Variants in HPSE2 observed in about 807,000 individuals in gnomAD.
HPSE2 encodes heparanase 2 (inactive), also known as inactive heparanase-2.
A neutral mutation model predicts 60.5 loss-of-function variants in HPSE2; 38 were observed. The observed-to-expected ratio is 0.63, with a 90% CI of 0.48 to 0.82. The LOEUF (loss-of-function observed/expected upper bound fraction) is 0.82, where lower values mean the gene tolerates loss of function less well. Ranked by LOEUF, HPSE2 falls within the 40% of genes least tolerant of loss-of-function variation. The pLI, the probability that HPSE2 is intolerant of heterozygous loss-of-function variation, is 0.00. For synonymous variants in HPSE2, 295 were observed against 293.2 expected (o/e 1.01, Z -0.06); for missense variants, 713 against 740.4 (o/e 0.96, Z 0.43).
At chr10:99,245,839 G>C in the HPSE2 span, among the ~76,000 whole-genome samples, 1 of 152,190 alleles carries the variant, frequency 6.6e-6, no homozygotes, top group Non-Finnish European at 1.5e-5. Flanking sequence ...AAGATGGTCA[G>C]TAAAGCGCTG....
In HPSE2 at chr10:98,937,671, C is replaced by T. The variant is rs949039339; in HGVS notation, c.611-193615G>A. On this transcript the variant is annotated intron_variant, in intron 3 of 11. Coordinates refer to ENST00000370552, the MANE Select transcript of HPSE2 (RefSeq NM_021828.5). ...CCTCTGGGGGCAGGGCACAGACAAA[C>T]AAAAAGACAGCAGTAACCTCTGCAG... is the stretch of plus-strand genomic sequence containing the variant. 4.9e-4 allele frequency among the ~76,000 whole-genome samples: 70 copies of T among 142,730 alleles called. 13 individuals are homozygous for T. The highest frequency in any genetic ancestry group is 1.9e-3 in the African/African-American group (67 of 34,840). The allele number at this position is 142,730 out of a possible 152,430, so 93.6% of individuals were successfully genotyped here.
intron 3 of HPSE2, among the ~76,000 whole-genome samples, chr10:99,007,238 C>T (rs112461629): frequency 4.6e-5 from 7 of 152,200 alleles, no homozygotes; most frequent in African/African-American, 1.4e-4. Context: ...TGAGTCCACA[C>T]ATACCAGCCT....
chr10:98,980,296 T>C (rs1044802521), intron 3 of HPSE2, among the ~76,000 whole-genome samples: 1 of 152,200 alleles, frequency 6.6e-6, no homozygotes, highest in Admixed American at 6.5e-5. Context: ...GTTAATAAAG[T>C]TTATTATTTT....
At chr10:98,780,479 T>C (rs1565158228) in intron 3 of HPSE2, among the ~76,000 whole-genome samples, 1 of 152,146 alleles carries the variant, frequency 6.6e-6, no homozygotes, top group Non-Finnish European at 1.5e-5. Flanking sequence ...TAGAATTGAG[T>C]TTGTTATATC....
At chr10:98,677,706 T>C (rs1320900450) in intron 6 of HPSE2, among the ~76,000 whole-genome samples, 1 of 152,204 alleles carries the variant, frequency 6.6e-6, no homozygotes, top group Non-Finnish European at 1.5e-5. Flanking sequence ...TTGTTGTTTC[T>C]ACCAAACCAT....
At chr10:99,011,177 A>G (rs1957004718) in intron 3 of HPSE2, among the ~76,000 whole-genome samples, 1 of 151,968 alleles carries the variant, frequency 6.6e-6, no homozygotes, top group Admixed American at 6.6e-5. Context: ...TTACTTTTGT[A>G]AAACCATGTA....
chr10:98,808,902 C>T (rs1029417222), intron 3 of HPSE2, among the ~76,000 whole-genome samples: 7 of 152,124 alleles, frequency 4.6e-5, no homozygotes, highest in Non-Finnish European at 8.8e-5. Flanking sequence ...CAAGCTAGAG[C>T]TTATCTTAAC....
chr10:98,853,012 C>A (rs1952220171), intron 3 of HPSE2, among the ~76,000 whole-genome samples: 1 of 152,164 alleles, frequency 6.6e-6, no homozygotes, highest in Non-Finnish European at 1.5e-5. Context: ...TGTTGTCTGA[C>A]TGAGCTACAA....
At chr10:98,988,071 A>G (rs1447972295) in intron 3 of HPSE2, among the ~76,000 whole-genome samples, 1 of 152,252 alleles carries the variant, frequency 6.6e-6, no homozygotes, top group Non-Finnish European at 1.5e-5. Context: ...CATACTGCCC[A>G]AGGTAATTTA....
At chr10:98,925,526 G>C (rs1954429361) in intron 3 of HPSE2, among the ~76,000 whole-genome samples, 1 of 152,126 alleles carries the variant, frequency 6.6e-6, no homozygotes, top group Non-Finnish European at 1.5e-5. Context: ...CATCTCCAGA[G>C]TCTCAACTAA....
intron 4 of HPSE2, among the ~76,000 whole-genome samples, chr10:98,723,076 A>T (rs980918787): frequency 1.3e-5 from 2 of 152,198 alleles, no homozygotes; most frequent in Admixed American, 6.5e-5. Flanking sequence ...GTCTTTGCCC[A>T]TTCAGTATGA....
At chr10:98,768,370 G>A (rs1398086140) in intron 3 of HPSE2, among the ~76,000 whole-genome samples, 1 of 152,104 alleles carries the variant, frequency 6.6e-6, no homozygotes, top group African/African-American at 2.4e-5. Flanking sequence ...GGAGGAAAGC[G>A]GGCAGGAGAC....
intron 4 of HPSE2, among the ~76,000 whole-genome samples, chr10:98,740,176 T>C (rs1483856932): frequency 1.4e-5 from 1 of 71,262 alleles, no homozygotes; most frequent in Non-Finnish European, 2.6e-5. Flanking sequence ...TTCTTTTCTT[T>C]TGTCTTTTTT....
intron 2 of HPSE2, among the ~76,000 whole-genome samples, chr10:99,218,333 T>C (rs1273597336): frequency 1.3e-5 from 2 of 151,576 alleles, no homozygotes; most frequent in Admixed American, 6.6e-5. Context: ...TTGGAATTTA[T>C]TGATGGAAGG....
chr10:98,596,569 GTC>G (rs1468433761), intron 9 of HPSE2, among the ~76,000 whole-genome samples: 1 of 151,742 alleles, frequency 6.6e-6, no homozygotes, highest in African/African-American at 2.4e-5. Context: ...GTCTGGGAAA[GTC>G]TATCTTTCAT....
chr10:99,208,881 T>C (rs1848857161), intron 2 of HPSE2, among the ~76,000 whole-genome samples: 1 of 152,064 alleles, frequency 6.6e-6, no homozygotes, highest in Non-Finnish European at 1.5e-5. Flanking sequence ...AAATGTACTT[T>C]AAGTCAAAAG....
intron 3 of HPSE2, among the ~76,000 whole-genome samples, chr10:98,995,388 A>G (rs558760078): frequency 1.2e-4 from 19 of 152,230 alleles, no homozygotes; most frequent in Non-Finnish European, 1.6e-4. Context: ...TAAGCACACA[A>G]CAAGTATTAC....
intron 3 of HPSE2, chr10:99,048,388 A>G (rs1255457078): frequency 2.5e-5 from 7 of 282,784 alleles, no homozygotes; most frequent in Non-Finnish European, 4.7e-5. Context: ...ATAAGCAAGC[A>G]AAAACAATCC....
chr10:98,605,957 C>T (rs568798375), intron 9 of HPSE2, among the ~76,000 whole-genome samples: 9 of 152,336 alleles, frequency 5.9e-5, no homozygotes, highest in African/African-American at 2.2e-4. Context: ...TGAAGACCTC[C>T]TTAGCCACAC....
Sources: allele counts gnomAD v4.1 joint callset (sites outside exome capture counted in the v4.1 genomes callset), GRCh38; gene constraint gnomAD v4.1.1; transcripts MANE v1.5; gene names NCBI Gene and HGNC (gene_info 2026-07-23, HGNC 2026-07-21).